The following STIM2 variants were observed in gnomAD, a reference collection of about 807,000 sequenced individuals.
STIM2 encodes the protein stromal interaction molecule 2.
A neutral mutation model predicts 85.8 loss-of-function variants in STIM2; 31 were observed. That is an observed-to-expected ratio of 0.36 (90% CI 0.27 to 0.49). The LOEUF (loss-of-function observed/expected upper bound fraction) is 0.49. Among genes scored for constraint, STIM2 ranks in the 20% least tolerant of loss-of-function variants. The pLI, the probability that STIM2 is intolerant of heterozygous loss-of-function variation, is 0.98. For missense variants in STIM2, 841 were observed against 927.6 expected (o/e 0.91, Z 1.21); for synonymous variants, 356 against 331.1 (o/e 1.08, Z -0.82).
At chr4:26,943,978 T>C (rs925287477) in intron 2 of STIM2, among the ~76,000 whole-genome samples, 3 of 152,154 alleles carry the variant, frequency 2.0e-5, no homozygotes, top group African/African-American at 7.2e-5. Flanking sequence ...TATAGACATA[T>C]CCCTCTAGGC....
In STIM2 at chr4:26,995,297, T is replaced by C. The variant is rs1204486439; in HGVS notation, c.398-82T>C. 4 of 732,140 alleles carry C rather than the reference T, an allele frequency of 5.5e-6. No individual in the cohort carries two copies. In the Admixed American group the frequency reaches 1.1e-4, roughly 21 times the overall value. 45.4% of individuals were successfully genotyped at this position (732,140 alleles called of 1,614,324 possible). On this transcript the variant is annotated intron_variant, in intron 3 of 11. Transcript: ENST00000467087. Reference sequence around the variant, plus strand: ...TAAATTGAAAATGCAATCTAATATCTTTATATTCTCTGAAATTATAGAATA... The same window carrying C: ...TAAATTGAAAATGCAATCTAATATCCTTATATTCTCTGAAATTATAGAATA...
chr4:26,905,849 C>T (rs1370270052), intron 1 of STIM2, among the ~76,000 whole-genome samples: 2 of 151,946 alleles, frequency 1.3e-5, no homozygotes, highest in African/African-American at 2.4e-5. Flanking sequence ...GAGAAAATAG[C>T]ATTTTGGAAA....
intron 1 of STIM2, among the ~76,000 whole-genome samples, chr4:26,872,613 ATTAC>A (rs930372551): frequency 6.6e-6 from 1 of 152,232 alleles, no homozygotes; most frequent in Admixed American, 6.5e-5. Context: ...AAAATGTGAA[ATTAC>A]TTAGTAAATA....
chr4:26,937,316 G>A (rs151026809), intron 2 of STIM2, among the ~76,000 whole-genome samples: 1 of 152,144 alleles, frequency 6.6e-6, no homozygotes, highest in African/African-American at 2.4e-5. Flanking sequence ...TGGGAGTAGG[G>A]TTGTGAATTA....
intron 2 of STIM2, among the ~76,000 whole-genome samples, chr4:26,927,847 TTA>T (rs1166943189): frequency 7.4e-6 from 1 of 135,834 alleles, no homozygotes; most frequent in East Asian, 1.9e-4. Flanking sequence ...AAATTATATA[TTA>T]ATATATAATT....
chr4:26,909,174 G>A (rs1034060989), intron 1 of STIM2, among the ~76,000 whole-genome samples: 3 of 152,158 alleles, frequency 2.0e-5, no homozygotes, highest in African/African-American at 4.8e-5. Context: ...ATTGAATTCC[G>A]ACTGTGTCGT....
At chr4:26,918,483 A>G (rs1228230608) in intron 1 of STIM2, among the ~76,000 whole-genome samples, 2 of 152,146 alleles carry the variant, frequency 1.3e-5, no homozygotes, top group Admixed American at 6.5e-5. Flanking sequence ...TATCGATGAG[A>G]TAACTAAGCT....
At chr4:26,914,716 T>G (rs925784297) in intron 1 of STIM2, among the ~76,000 whole-genome samples, 4 of 152,242 alleles carry the variant, frequency 2.6e-5, no homozygotes, top group Non-Finnish European at 5.9e-5. Context: ...ACAATGCATG[T>G]TCCCAATCAA....
At chr4:26,922,709 G>A (rs1024756122) in intron 2 of STIM2, among the ~76,000 whole-genome samples, 3 of 151,970 alleles carry the variant, frequency 2.0e-5, no homozygotes, top group African/African-American at 7.3e-5. Flanking sequence ...TCAGTGGGTG[G>A]GACTTAAAGT....
chr4:26,999,843 A>C lies in STIM2; in HGVS notation c.625+496A>C, dbSNP rs75170761. On this transcript the variant is annotated intron_variant, in intron 5 of 11. Transcript: ENST00000467087. Reference sequence around the variant, plus strand: ...AACTCTACTGGCAGGAGCAAGAAGTAGAAAATGTTATTTGATTGTTTTGAA... The same window carrying C: ...AACTCTACTGGCAGGAGCAAGAAGTCGAAAATGTTATTTGATTGTTTTGAA... 4.8e-3 allele frequency among the ~76,000 whole-genome samples: 736 copies of C among 152,354 alleles called. 7 individuals carry two copies. The highest frequency in any genetic ancestry group is 0.017 in the African/African-American group (706 of 41,592).
rs189713412 is a variant in STIM2, at chr4:26,975,528, T to C, written c.397+17802T>C. Among the ~76,000 whole-genome samples, 77 of 152,314 alleles carry C rather than the reference T, an allele frequency of 5.1e-4. 1 individual carries two copies. Among genetic ancestry groups the C allele is most frequent in the Admixed American group, 4.5e-3 (69 of 15,292 alleles). ...TCTGTTGGAGTTTGCTGCAGTTCCATTCCAGACCCTGTTTGCCTGGGTATC... is the reference window on the plus strand; with the variant it reads ...TCTGTTGGAGTTTGCTGCAGTTCCACTCCAGACCCTGTTTGCCTGGGTATC... On this transcript the variant is annotated intron_variant, in intron 3 of 11. Coordinates refer to ENST00000467087, the MANE Select transcript of STIM2 (RefSeq NM_020860.4).
At chr4:26,870,548 T>A (rs941850602) in intron 1 of STIM2, among the ~76,000 whole-genome samples, 8 of 152,208 alleles carry the variant, frequency 5.3e-5, no homozygotes, top group African/African-American at 1.9e-4. Flanking sequence ...AGTATAATTA[T>A]AAATAACTAT....
At chr4:26,897,236 A>T (rs1278269995) in intron 1 of STIM2, among the ~76,000 whole-genome samples, 1 of 152,244 alleles carries the variant, frequency 6.6e-6, no homozygotes, top group Non-Finnish European at 1.5e-5. Flanking sequence ...ATCATTTTAC[A>T]TTCCCAACAG....
chr4:26,991,947 A>G (rs901261606), intron 3 of STIM2, among the ~76,000 whole-genome samples: 10 of 152,118 alleles, frequency 6.6e-5, no homozygotes, highest in Non-Finnish European at 1.5e-4. Flanking sequence ...CAGATTGGGA[A>G]AGATACCTTT....
intron 3 of STIM2, among the ~76,000 whole-genome samples, chr4:26,965,384 TG>T (rs1326146501): frequency 6.6e-6 from 1 of 152,194 alleles, no homozygotes; most frequent in Non-Finnish European, 1.5e-5. Context: ...TTTACAAATT[TG>T]GCAAACATTG....
At chr4:26,891,239 T>A (rs1031972459) in intron 1 of STIM2, among the ~76,000 whole-genome samples, 5 of 152,228 alleles carry the variant, frequency 3.3e-5, no homozygotes, top group Admixed American at 1.3e-4. Context: ...GCTGAGAGAT[T>A]GCCCTTGATG....
intron 2 of STIM2, among the ~76,000 whole-genome samples, chr4:26,941,952 CAATG>C (rs746288275): frequency 2.6e-5 from 4 of 152,086 alleles, no homozygotes; most frequent in Non-Finnish European, 5.9e-5. Flanking sequence ...TTGTAGAAGA[CAATG>C]AAGAGAAATC....
intron 1 of STIM2, among the ~76,000 whole-genome samples, chr4:26,870,445 T>C (rs969920332): frequency 2.6e-5 from 4 of 152,226 alleles, no homozygotes; most frequent in Non-Finnish European, 2.9e-5. Context: ...ACTGAAGTTA[T>C]AACAAAATAT....
At chr4:26,890,810 C>T (rs1056045455) in intron 1 of STIM2, among the ~76,000 whole-genome samples, 52 of 136,182 alleles carry the variant, frequency 3.8e-4, no homozygotes, top group Middle Eastern at 4.1e-3. Context: ...GGCGACAGAG[C>T]GAGACTCCGT....
Sources: allele counts gnomAD v4.1 joint callset (sites outside exome capture counted in the v4.1 genomes callset), GRCh38; gene constraint gnomAD v4.1.1; transcripts MANE v1.5; gene names NCBI Gene and HGNC (gene_info 2026-07-23, HGNC 2026-07-21).